Variants in EIF4G3 observed in about 807,000 individuals in gnomAD.
The protein encoded by EIF4G3 is eIF-4-gamma 3.
In EIF4G3, 34 loss-of-function variants were observed where a neutral mutation model predicts 186.4. The ratio of observed to expected loss-of-function variants is 0.18; its 90% CI spans 0.14 to 0.24. The LOEUF is 0.24. EIF4G3 is among the 10% of genes least tolerant of loss of function. The pLI, the probability that EIF4G3 is intolerant of heterozygous loss-of-function variation, is 1.00. For missense variants in EIF4G3, 1,536 were observed against 1,948.5 expected (o/e 0.79, Z 3.99); for synonymous variants, 673 against 679.5 (o/e 0.99, Z 0.15).
chr1:20,927,046 CTTTTT>C (rs757963098), intron 14 of EIF4G3, among the ~76,000 whole-genome samples: 1 of 139,230 alleles, frequency 7.2e-6, no homozygotes. Flanking sequence ...GAAAAAAATA[CTTTTT>C]TTTTTTTTTT....
chr1:20,972,966 G>T, intron 11 of EIF4G3, 36 bp downstream of exon 11: 1 of 1,495,902 alleles, frequency 6.7e-7, no homozygotes, highest in South Asian at 1.2e-5. Context: ...ATAGATTTTA[G>T]ATTTAAAATA....
intron 4 of EIF4G3, among the ~76,000 whole-genome samples, chr1:21,023,085 G>T (rs1450659008): frequency 7.2e-5 from 11 of 152,144 alleles, no homozygotes; most frequent in African/African-American, 2.7e-4. Flanking sequence ...TAACAAGTTT[G>T]TGAGTTTTTC....
chr1:21,086,950 A>G (rs1453217235), intron 3 of EIF4G3, among the ~76,000 whole-genome samples: 2 of 151,878 alleles, frequency 1.3e-5, no homozygotes, highest in Non-Finnish European at 2.9e-5. Flanking sequence ...AAAAAAAAAA[A>G]AAAGAAAAAA....
At chr1:21,078,723 G>A (rs1283716311) in intron 3 of EIF4G3, among the ~76,000 whole-genome samples, 1 of 152,204 alleles carries the variant, frequency 6.6e-6, no homozygotes, top group Non-Finnish European at 1.5e-5. Flanking sequence ...GGTGGCTCAT[G>A]CCTGTAATCC....
intron 14 of EIF4G3, among the ~76,000 whole-genome samples, chr1:20,913,687 T>C (rs2093519960): frequency 6.6e-6 from 1 of 152,200 alleles, no homozygotes; most frequent in African/African-American, 2.4e-5. Flanking sequence ...CCCTGTTTTC[T>C]TGTTATTTGT....
intron 4 of EIF4G3, among the ~76,000 whole-genome samples, chr1:21,035,997 A>G (rs904256699): frequency 6.6e-6 from 1 of 152,022 alleles, no homozygotes; most frequent in Non-Finnish European, 1.5e-5. Flanking sequence ...GAGAGGAGCT[A>G]CCCTCTCTAG....
intron 14 of EIF4G3, 185 bp downstream of exon 14, chr1:20,941,306 C>T (rs1264327907): frequency 4.5e-6 from 7 of 1,556,230 alleles, no homozygotes; most frequent in Non-Finnish European, 6.1e-6. Context: ...CATTTTTAGA[C>T]AATGGAGTAA....
At chr1:20,930,190 T>C (rs753344153) in intron 14 of EIF4G3, among the ~76,000 whole-genome samples, 1 of 152,214 alleles carries the variant, frequency 6.6e-6, no homozygotes, top group African/African-American at 2.4e-5. Flanking sequence ...TTGATGATGA[T>C]GGCTGCTGCC....
intron 4 of EIF4G3, among the ~76,000 whole-genome samples, chr1:21,020,357 G>GT (rs2090381587): frequency 6.6e-6 from 1 of 152,100 alleles, no homozygotes; most frequent in African/African-American, 2.4e-5. Flanking sequence ...AGGCATGGTG[G>GT]TGCATGCCTG....
At chr1:21,003,758 T>C (rs984654040) in intron 4 of EIF4G3, 1 of 456,194 alleles carries the variant, frequency 2.2e-6, no homozygotes, top group South Asian at 1.6e-5. Flanking sequence ...TCACAACAAT[T>C]TTCCCTGCTC....
Position 20,851,378 on chromosome 1 carries a change from C to T in EIF4G3, c.3652G>A (p.Asp1218Asn). 1 of 1,614,152 alleles carries T rather than the reference C, an allele frequency of 6.2e-7. No individual in the cohort carries two copies. The highest frequency in any genetic ancestry group is 8.5e-7 in the Non-Finnish European group (1 of 1,180,036). The change falls in exon 28 of 37, where the codon GAC (aspartate) becomes AAC (asparagine). Residue 1218 changes from aspartate to asparagine, a missense_variant. Physicochemically the swap from Asp to Asn is conservative, Grantham distance 23. Around this residue, in one of 11 missense-constraint regions of EIF4G3, gnomAD observed 395 missense variants for 498.9 expected, o/e 0.79. Transcript: ENST00000602326. ...CGCTGCTCTTCTTGAGACTGATTGT[C>T]TAGCAGGTCTTTACTGCTGCCACCC... ...MRGGSSKDLL[D>N]NQSQEEQRRE...
chr1:20,832,296 C>T (rs2065501365), intron 30 of EIF4G3, among the ~76,000 whole-genome samples: 1 of 123,322 alleles, frequency 8.1e-6, no homozygotes, highest in African/African-American at 3.0e-5. Context: ...TTAATGATTG[C>T]CATTCTAACT....
At chr1:20,920,466 G>A (rs547184661) in intron 14 of EIF4G3, among the ~76,000 whole-genome samples, 1 of 152,236 alleles carries the variant, frequency 6.6e-6, no homozygotes, top group South Asian at 2.1e-4. Flanking sequence ...ATTATGACTG[G>A]TGGTTGGATA....
intron 15 of EIF4G3, among the ~76,000 whole-genome samples, chr1:20,901,704 T>C (rs2090344084): frequency 6.6e-6 from 1 of 152,120 alleles, no homozygotes; most frequent in African/African-American, 2.4e-5. Context: ...ATGAGGGGTA[T>C]TTGAAGAGAA....
intron 14 of EIF4G3, among the ~76,000 whole-genome samples, chr1:20,921,417 C>T (rs2094487951): frequency 6.6e-6 from 1 of 152,182 alleles, no homozygotes; most frequent in Non-Finnish European, 1.5e-5. Flanking sequence ...AGCGGTGTAT[C>T]AGCTTAACCA....
intron 30 of EIF4G3, among the ~76,000 whole-genome samples, chr1:20,837,647 T>C (rs892224321): frequency 1.3e-5 from 2 of 152,114 alleles, no homozygotes; most frequent in Admixed American, 6.6e-5. Flanking sequence ...CACAATACTA[T>C]GGAAGGACAA....
chr1:21,014,446 C>A (rs2088222677), intron 4 of EIF4G3, among the ~76,000 whole-genome samples: 1 of 152,080 alleles, frequency 6.6e-6, no homozygotes, highest in African/African-American at 2.4e-5. Context: ...ATCTGGTAGG[C>A]AATTTTTTGA....
intron 2 of EIF4G3, among the ~76,000 whole-genome samples, chr1:21,168,882 A>G (rs907115063): frequency 4.6e-5 from 7 of 152,162 alleles, no homozygotes; most frequent in African/African-American, 1.4e-4. Flanking sequence ...CAAAATGTTA[A>G]AAGTGGTTAT....
At chr1:21,061,206 T>A (rs78337918) in intron 3 of EIF4G3, among the ~76,000 whole-genome samples, 2 of 152,126 alleles carry the variant, frequency 1.3e-5, no homozygotes, top group Non-Finnish European at 2.9e-5. Context: ...GTTTTTTTTT[T>A]AATTTTTGAA....
Sources: allele counts gnomAD v4.1 joint callset (sites outside exome capture counted in the v4.1 genomes callset), GRCh38; gene constraint gnomAD v4.1.1; regional missense constraint gnomAD v4.1.1; transcripts MANE v1.5; gene names NCBI Gene and HGNC (gene_info 2026-07-23, HGNC 2026-07-21).